GMPS: variants seen among roughly 807,000 people sequenced by gnomAD.
GMPS encodes the protein guanosine monophosphate synthase.
In GMPS, 15 loss-of-function variants were observed where a neutral mutation model predicts 77.9. The observed-to-expected ratio is 0.19, with a 90% CI of 0.13 to 0.30. The LOEUF (loss-of-function observed/expected upper bound fraction) is 0.30. GMPS is among the 10% of genes least tolerant of loss of function. GMPS has a pLI of 1.00. For synonymous variants in GMPS, 224 were observed against 275.9 expected (o/e 0.81, Z 1.86); for missense variants, 590 against 838.8 (o/e 0.70, Z 3.66).
Position 155,941,697 on chromosome 3 carries a change from C to T in GMPS, c.*4005C>T. On this transcript the variant is annotated 3_prime_UTR_variant, in exon 16 of 16. Transcript: ENST00000496455. Reference sequence around the variant, plus strand: ...GAACTGAATACAAGTTGGATGTCTCCACCCTTGGAAAGCACATCTTTTGTT... The same window carrying T: ...GAACTGAATACAAGTTGGATGTCTCTACCCTTGGAAAGCACATCTTTTGTT... 1 of 222,996 alleles carries T rather than the reference C, an allele frequency of 4.5e-6. No individual in the cohort carries two copies. Among genetic ancestry groups the T allele is most frequent in the Non-Finnish European group, 9.0e-6 (1 of 111,624 alleles). The allele number at this position is 222,996 out of a possible 1,614,324, so 13.8% of individuals were successfully genotyped here.
chr3:155,870,321 G>A (rs1753867495), upstream of GMPS, among the ~76,000 whole-genome samples: 1 of 152,244 alleles, frequency 6.6e-6, no homozygotes, highest in Non-Finnish European at 1.5e-5. Context: ...AAATCCGGCA[G>A]CAGCAAACTA....
chr3:155,913,155 A>G (rs1351578330), intron 7 of GMPS, among the ~76,000 whole-genome samples: 1 of 152,348 alleles, frequency 6.6e-6, no homozygotes, highest in East Asian at 1.9e-4. Context: ...GAATGCCAAT[A>G]GGCAGGAGAG....
intron 1 of GMPS, among the ~76,000 whole-genome samples, chr3:155,875,576 T>G (rs1312067845): frequency 6.6e-6 from 1 of 152,208 alleles, no homozygotes; most frequent in Non-Finnish European, 1.5e-5. Context: ...CTAAACCATA[T>G]TTAGATGCTG....
chr3:155,893,459 TA>T, intron 1 of GMPS, 58 bp from the exon 2 acceptor site: 1 of 1,134,702 alleles, frequency 8.8e-7, no homozygotes, highest in Non-Finnish European at 1.2e-6. Flanking sequence ...AATTTTTTTT[TA>T]AGTACTGTAG....
chr3:155,881,948 G>A (rs1754215953), intron 1 of GMPS, among the ~76,000 whole-genome samples: 1 of 152,102 alleles, frequency 6.6e-6, no homozygotes, highest in Non-Finnish European at 1.5e-5. Flanking sequence ...TGCATGGGTG[G>A]TCCCAGCCAC....
intron 2 of GMPS, among the ~76,000 whole-genome samples, chr3:155,894,586 G>A (rs550578121): frequency 1.3e-5 from 2 of 151,710 alleles, no homozygotes; most frequent in South Asian, 2.1e-4. Flanking sequence ...AGACTGTTAC[G>A]TAGAAGCAAG....
At chr3:155,880,052 C>G (rs1754175878) in intron 1 of GMPS, among the ~76,000 whole-genome samples, 1 of 150,832 alleles carries the variant, frequency 6.6e-6, no homozygotes, top group African/African-American at 2.4e-5. Flanking sequence ...TAATGGTGTT[C>G]TTTGAAGCAC....
rs1487412273 is a variant in GMPS, at chr3:155,938,682, A to C, written c.*990A>C. 3 of 201,390 alleles carry C rather than the reference A, an allele frequency of 1.5e-5. No homozygotes were observed. Among genetic ancestry groups the C allele is most frequent in the African/African-American group, 4.6e-5 (2 of 43,608 alleles). The allele number at this position is 201,390 out of a possible 1,614,324, so 12.5% of individuals were successfully genotyped here. On this transcript the variant is annotated 3_prime_UTR_variant, in exon 16 of 16. Transcript: ENST00000496455. ...AGTTGTAAAATGAGCTTTTAAATCT[A>C]ATCTATAGACATATTATTCATTGCT...
chr3:155,875,032 C>T (rs1754010158), intron 1 of GMPS, among the ~76,000 whole-genome samples: 1 of 148,072 alleles, frequency 6.8e-6, no homozygotes, highest in East Asian at 2.0e-4. Flanking sequence ...GATCCTTGTA[C>T]CTCAGCCACC....
At chr3:155,876,025 C>T (rs1311398104) in intron 1 of GMPS, among the ~76,000 whole-genome samples, 5 of 151,928 alleles carry the variant, frequency 3.3e-5, no homozygotes, top group Admixed American at 6.5e-5. Context: ...ATATTACATA[C>T]AAAAAAATTG....
At chr3:155,894,232 C>CTT (rs1006206517) in intron 2 of GMPS, among the ~76,000 whole-genome samples, 1 of 151,386 alleles carries the variant, frequency 6.6e-6, no homozygotes, top group Non-Finnish European at 1.5e-5. Flanking sequence ...GTCATGCTTT[C>CTT]TTTTTTTTTG....
At chr3:155,929,277 C>G (rs1039563064) in intron 12 of GMPS, among the ~76,000 whole-genome samples, 5 of 151,910 alleles carry the variant, frequency 3.3e-5, no homozygotes, top group Non-Finnish European at 7.4e-5. Flanking sequence ...TTGCATTTCT[C>G]TGATGGCCAG....
In GMPS at chr3:155,893,492, CTTTGTA is replaced by C. The variant is rs781623025; in HGVS notation, c.28-17_28-12del. 6.7e-7 allele frequency: 1 copy of C among 1,492,072 alleles called. No homozygotes were observed. Among genetic ancestry groups the C allele is most frequent in the Non-Finnish European group, 9.1e-7 (1 of 1,099,930 alleles). The allele number at this position is 1,492,072 out of a possible 1,614,324, so 92.4% of individuals were successfully genotyped here. A position where few individuals can be genotyped will look rare whatever the true frequency, so the allele number is the denominator to read the frequency against. On this transcript the variant is annotated intron_variant, in intron 1 of 15. Transcript: ENST00000496455. ...GTAGCTTTAATTTTCATAATTAAGA[CTTTGTA>C]TTTGTATTGATATTTGCAGCTGGAG...
At chr3:155,927,848 C>G (rs1249561498) in intron 12 of GMPS, among the ~76,000 whole-genome samples, 2 of 152,008 alleles carry the variant, frequency 1.3e-5, no homozygotes, top group South Asian at 4.1e-4. Context: ...CTGTGCCTTT[C>G]CAAGTAGATG....
chr3:155,885,055 G>GA (rs1249117858), intron 1 of GMPS, among the ~76,000 whole-genome samples: 2 of 152,136 alleles, frequency 1.3e-5, no homozygotes, highest in African/African-American at 4.8e-5. Flanking sequence ...AGTTAAGGAG[G>GA]AAAAATAATT....
intron 5 of GMPS, among the ~76,000 whole-genome samples, chr3:155,907,269 TC>T (rs1428343408): frequency 4.6e-5 from 7 of 152,186 alleles, no homozygotes; most frequent in Non-Finnish European, 1.0e-4. Context: ...CATGCACAGT[TC>T]TAGGTGTCAA....
intron 5 of GMPS, among the ~76,000 whole-genome samples, chr3:155,907,889 T>C (rs1399746019): frequency 2.0e-5 from 3 of 151,990 alleles, no homozygotes; most frequent in East Asian, 3.9e-4. Context: ...GGGGACCATA[T>C]TTGAGGAGCA....
intron 3 of GMPS, among the ~76,000 whole-genome samples, chr3:155,901,749 C>T (rs1177908282): frequency 3.3e-5 from 5 of 151,674 alleles, no homozygotes; most frequent in East Asian, 1.9e-4. Context: ...AAGATTCATA[C>T]GTTTATTTGC....
chr3:155,932,632 C>T (rs960798292), intron 13 of GMPS, among the ~76,000 whole-genome samples: 1 of 152,146 alleles, frequency 6.6e-6, no homozygotes, highest in African/African-American at 2.4e-5. Flanking sequence ...GTTATTCTCT[C>T]TGTTCAGTTT....
Sources: gnomAD v4.1 joint callset for allele counts (sites outside exome capture counted in the v4.1 genomes callset) on GRCh38, gnomAD v4.1.1 for gene constraint, MANE v1.5 for transcripts, NCBI Gene and HGNC (gene_info 2026-07-23, HGNC 2026-07-21) for gene names.